The following SCNN1G variants were observed in gnomAD, a reference collection of about 807,000 sequenced individuals.
SCNN1G encodes the protein epithelial sodium channel subunit gamma.
In SCNN1G, 27 loss-of-function variants were observed where a neutral mutation model predicts 64.6. The observed-to-expected ratio is 0.42, with a 90% CI of 0.31 to 0.58. SCNN1G has a LOEUF of 0.58. SCNN1G is among the 20% of genes least tolerant of loss of function. The pLI is 0.18. For synonymous variants in SCNN1G, 330 were observed against 314.2 expected (o/e 1.05, Z -0.53); for missense variants, 743 against 823.4 (o/e 0.90, Z 1.19).
At chr16:23,200,319 G>A (rs1959869103) in intron 6 of SCNN1G, among the ~76,000 whole-genome samples, 1 of 152,060 alleles carries the variant, frequency 6.6e-6, no homozygotes, top group African/African-American at 2.4e-5. Flanking sequence ...TTCTTGCTCT[G>A]TCACCCAGGC....
At chr16:23,186,178 A>G (rs1959602305) in intron 1 of SCNN1G, 50 bp from the exon 2 acceptor site, 2 of 1,202,292 alleles carry the variant, frequency 1.7e-6, no homozygotes, top group Admixed American at 1.8e-5. Flanking sequence ...GGGACACACT[A>G]GCCGGCTAGT....
At chr16:23,197,536 A>C in intron 6 of SCNN1G, 109 bp downstream of exon 6, 2 of 984,046 alleles carry the variant, frequency 2.0e-6, no homozygotes. Flanking sequence ...TTCAAAAGGG[A>C]ACATGGTCCC....
At chr16:23,211,166 T>G (rs1960073128) in intron 7 of SCNN1G, among the ~76,000 whole-genome samples, 3 of 152,260 alleles carry the variant, frequency 2.0e-5, no homozygotes, top group Non-Finnish European at 1.5e-5. Flanking sequence ...GTTGATATTA[T>G]TATAAAGAAA....
At chr16:23,193,528 A>G (rs1203621403) in intron 4 of SCNN1G, among the ~76,000 whole-genome samples, 2 of 152,182 alleles carry the variant, frequency 1.3e-5, no homozygotes, top group African/African-American at 4.8e-5. Context: ...ACACACCTGT[A>G]GTCCCAGCTA....
chr16:23,213,033 G>T, intron 10 of SCNN1G, 69 bp from the exon 11 acceptor site: 1 of 1,539,250 alleles, frequency 6.5e-7, no homozygotes, highest in Non-Finnish European at 9.0e-7. Context: ...AAGTTGGGGA[G>T]CCTGAGGCGG....
chr16:23,211,164 T>C (rs1200225840), intron 7 of SCNN1G, among the ~76,000 whole-genome samples: 3 of 152,226 alleles, frequency 2.0e-5, no homozygotes, highest in East Asian at 1.9e-4. Context: ...AAGTTGATAT[T>C]ATTATAAAGA....
intron 2 of SCNN1G, among the ~76,000 whole-genome samples, chr16:23,186,888 T>G (rs1012447811): frequency 2.0e-5 from 3 of 152,208 alleles, no homozygotes; most frequent in South Asian, 4.2e-4. Flanking sequence ...CTCGGCTCAC[T>G]GCAACCTCCA....
chr16:23,203,915 G>T (rs1167273168), intron 6 of SCNN1G, among the ~76,000 whole-genome samples: 1 of 151,912 alleles, frequency 6.6e-6, no homozygotes, highest in African/African-American at 2.4e-5. Flanking sequence ...TTCATGGCTG[G>T]TGAGAATTTA....
chr16:23,207,037 C>G (rs1960002402), intron 6 of SCNN1G, among the ~76,000 whole-genome samples: 1 of 152,216 alleles, frequency 6.6e-6, no homozygotes. Flanking sequence ...TCCATTTGCT[C>G]TACTTCTGGT....
chr16:23,193,131 T>C (rs1187826139), intron 4 of SCNN1G, among the ~76,000 whole-genome samples: 3 of 127,440 alleles, frequency 2.4e-5, no homozygotes, highest in African/African-American at 9.2e-5. Flanking sequence ...GGCACAAAAG[T>C]AATTGCTGTT....
chr16:23,214,834 G>A, intron 12 of SCNN1G, 47 bp downstream of exon 12: 1 of 1,479,466 alleles, frequency 6.8e-7, no homozygotes, highest in Non-Finnish European at 9.5e-7. Flanking sequence ...GCCTACAAAT[G>A]TGAGCATCTT....
chr16:23,188,645 G>A (rs550917429), intron 2 of SCNN1G, among the ~76,000 whole-genome samples: 1 of 152,256 alleles, frequency 6.6e-6, no homozygotes, highest in South Asian at 2.1e-4. Flanking sequence ...ACACAGAGAG[G>A]CTAAGACATT....
chr16:23,208,197 G>A (rs1391644249), intron 6 of SCNN1G, among the ~76,000 whole-genome samples: 1 of 152,020 alleles, frequency 6.6e-6, no homozygotes, highest in South Asian at 2.1e-4. Context: ...AAACATCATT[G>A]AAGCCAGGTG....
intron 4 of SCNN1G, 149 bp downstream of exon 4, chr16:23,192,691 G>A: frequency 1.4e-6 from 1 of 704,898 alleles, no homozygotes; most frequent in African/African-American, 1.7e-5. Context: ...TGCTTACATG[G>A]GAGCTGTGTT....
rs538471393 is a variant in SCNN1G, at chr16:23,214,926, C to G, written c.1569+139C>G. The G allele has an allele frequency of 1.8e-4, 192 of 1,093,440 alleles. 1 individual carries two copies. The South Asian group carries it at 1.9e-3, about 11-fold the overall frequency. 67.7% of individuals were successfully genotyped at this position (1,093,440 alleles called of 1,614,324 possible). A position where few individuals can be genotyped will look rare whatever the true frequency, so the allele number is the denominator to read the frequency against. The stretch of plus-strand genomic sequence containing the variant: ...GTTGTAGGCTAGCCAGGTCTCAGGT[C>G]GGAATGCACAGAGTAAGAGGAAACA... On this transcript the variant is annotated intron_variant, in intron 12 of 12. Coordinates refer to ENST00000300061, the MANE Select transcript of SCNN1G (RefSeq NM_001039.4).
chr16:23,204,373 A>AGAGAGAGAGT (rs1959956823), intron 6 of SCNN1G, among the ~76,000 whole-genome samples: 1 of 123,990 alleles, frequency 8.1e-6, no homozygotes, highest in Non-Finnish European at 1.7e-5. Context: ...AGAGAGAGAG[A>AGAGAGAGAGT]CTATTACTAT....
chr16:23,203,185 A>G (rs955113667), intron 6 of SCNN1G, among the ~76,000 whole-genome samples: 4 of 152,218 alleles, frequency 2.6e-5, no homozygotes, highest in African/African-American at 9.6e-5. Flanking sequence ...AGGTCAGGCA[A>G]GGTAGAAGGC....
chr16:23,215,641 G>A lies in SCNN1G; in HGVS notation c.*172G>A, dbSNP rs1960149235. 2.8e-6 allele frequency: 2 copies of A among 709,798 alleles called. No individual in the cohort carries two copies. Among genetic ancestry groups the A allele is most frequent in the South Asian group, 3.4e-5 (2 of 59,302 alleles). 44.0% of individuals were successfully genotyped at this position (709,798 alleles called of 1,614,324 possible). A position where few individuals can be genotyped will look rare whatever the true frequency, so the allele number is the denominator to read the frequency against. On this transcript the variant is annotated 3_prime_UTR_variant, in exon 13 of 13. Transcript: ENST00000300061. ...CAAGATGGGGCCTGGGCATGCGCAGGAGGAGCCATCGGGTACTACGCAGCA... is the reference window on the plus strand; with the variant it reads ...CAAGATGGGGCCTGGGCATGCGCAGAAGGAGCCATCGGGTACTACGCAGCA...
chr16:23,206,959 G>A (rs4514682), intron 6 of SCNN1G, among the ~76,000 whole-genome samples: 142,548 of 152,240 alleles, frequency 0.94, 66,869 homozygotes, highest in East Asian at 1. Context: ...TAGAAAACTG[G>A]AAGCTGGGGC....
Sources: gnomAD v4.1 joint callset for allele counts (sites outside exome capture counted in the v4.1 genomes callset) on GRCh38, gnomAD v4.1.1 for gene constraint, MANE v1.5 for transcripts, NCBI Gene and HGNC (gene_info 2026-07-23, HGNC 2026-07-21) for gene names.